CCL25: variants seen among roughly 807,000 people sequenced by gnomAD.
The protein encoded by CCL25 is C-C motif chemokine ligand 25.
In CCL25, 14 loss-of-function variants were observed where a neutral mutation model predicts 19.9. The observed-to-expected ratio is 0.70, with a 90% CI of 0.47 to 1.10. The LOEUF (loss-of-function observed/expected upper bound fraction) is 1.10, where lower values mean the gene tolerates loss of function less well. CCL25 is among the 50% of genes least tolerant of loss of function. The pLI, the probability that CCL25 is intolerant of heterozygous loss-of-function variation, is 0.00. For synonymous variants in CCL25, 68 were observed against 73.2 expected (o/e 0.93, Z 0.36); for missense variants, 151 against 181.2 (o/e 0.83, Z 0.96).
In CCL25 at chr19:8,053,106, C is replaced by T. The variant is rs775209170; in HGVS notation, c.57C>T (p.Pro19=). ...CCGGCTTCCTGGGAGCCTGGGCCCC[C>T]GCTGTCCACACCCAAGGTACTGTGT... is the stretch of plus-strand genomic sequence containing the variant. ...LVAGFLGAWA[P]AVHTQGVFED... The change falls in exon 2 of 6, where the codon CCC becomes CCT. Residue 19 remains proline (P), a synonymous_variant. Coordinates refer to ENST00000315626, the MANE Select transcript of CCL25 (RefSeq NM_005624.4). 2.1e-5 allele frequency: 32 copies of T among 1,556,424 alleles called. No individual in the cohort carries two copies. The highest frequency in any genetic ancestry group is 1.8e-5 in the Non-Finnish European group (21 of 1,149,748).
Position 8,056,585 on chromosome 19 carries a change from T to A in CCL25, c.325+86T>A. Reference sequence around the variant, plus strand: ...GTGGTTCAGACCCCGAGGGAGGGAATTGGAGACCAGAATACTGACACCTGC... The same window carrying A: ...GTGGTTCAGACCCCGAGGGAGGGAAATGGAGACCAGAATACTGACACCTGC... On this transcript the variant is annotated intron_variant, in intron 4 of 5. Coordinates refer to ENST00000315626, the MANE Select transcript of CCL25 (RefSeq NM_005624.4). 3 of 1,494,560 alleles carry A rather than the reference T, an allele frequency of 2.0e-6. No individual in the cohort carries two copies. The Admixed American group carries it at 5.4e-5, about 27-fold the overall frequency. The allele number at this position is 1,494,560 out of a possible 1,614,324, so 92.6% of individuals were successfully genotyped here.
intron 2 of CCL25, among the ~76,000 whole-genome samples, chr19:8,053,927 G>A (rs1487826980): frequency 1.3e-5 from 2 of 152,152 alleles, no homozygotes; most frequent in African/African-American, 4.8e-5. Context: ...TCTGACTTGA[G>A]GGTCCAGTGA....
upstream of CCL25, among the ~76,000 whole-genome samples, chr19:8,052,451 G>A (rs1237194066): frequency 4.0e-5 from 6 of 151,776 alleles, no homozygotes; most frequent in Non-Finnish European, 8.8e-5. Context: ...TGAAGGTAAG[G>A]GCTTGTTTGG....
At chr19:8,058,369 TATAA>T (rs1355098369) in intron 5 of CCL25, among the ~76,000 whole-genome samples, 2 of 126,034 alleles carry the variant, frequency 1.6e-5, no homozygotes, top group African/African-American at 3.0e-5. Flanking sequence ...ATATATAATA[TATAA>T]ATATATATAA....
At chr19:8,062,103 A>G (rs1000130196) in intron 5 of CCL25, 115 bp from the exon 6 acceptor site, 9 of 1,004,254 alleles carry the variant, frequency 9.0e-6, no homozygotes, top group Non-Finnish European at 1.4e-5. Flanking sequence ...CCTATTACTC[A>G]GAAATTCACA....
At position 8,057,930 on chromosome 19, in the gene CCL25, C is replaced by T; in HGVS notation, c.445+10C>T. The T allele has an allele frequency of 1.9e-6, 3 of 1,609,718 alleles. No homozygotes were observed. The highest frequency in any genetic ancestry group is 1.7e-6 in the Non-Finnish European group (2 of 1,177,194). On this transcript the variant is annotated intron_variant, in intron 5 of 5. Transcript: ENST00000315626. ...ATATCAGCTAATTCAGGTAAGGACT[C>T]TTGGTCATGTGACTGTCTCCCATCC...
chr19:8,054,571 T>C (rs1191287984), intron 2 of CCL25, among the ~76,000 whole-genome samples: 1 of 152,020 alleles, frequency 6.6e-6, no homozygotes, highest in Non-Finnish European at 1.5e-5. Flanking sequence ...AGGCAGAGAA[T>C]TGCACCCCAG....
chr19:8,061,586 C>G (rs141213260), intron 5 of CCL25, among the ~76,000 whole-genome samples: 57 of 152,256 alleles, frequency 3.7e-4, no homozygotes, highest in Middle Eastern at 3.4e-3. Context: ...GTGACCAGCC[C>G]CCACCCAGAA....
Position 8,060,309 on chromosome 19 carries a change from T to G in CCL25, c.446-1909T>G, listed in dbSNP as rs1390055081. Among the ~76,000 whole-genome samples the G allele has an allele frequency of 2.0e-5, 3 of 152,044 alleles. No individual in the cohort carries two copies. In the East Asian group the frequency reaches 5.8e-4, roughly 29 times the overall value. On this transcript the variant is annotated intron_variant, in intron 5 of 5. Transcript: ENST00000315626. ...TGAGCTATGATCATACCATTGGAAC[T>G]TCAGCCTGGGGGACAAAATGAGACC...
At chr19:8,053,888 G>A (rs541120657) in intron 2 of CCL25, among the ~76,000 whole-genome samples, 14 of 152,126 alleles carry the variant, frequency 9.2e-5, no homozygotes, top group Non-Finnish European at 2.1e-4. Context: ...CAGCTGCAAA[G>A]TGGGAATCTA....
chr19:8,057,715 CA>C (rs2081282331), intron 4 of CCL25, 85 bp from the exon 5 acceptor site: 1 of 1,477,712 alleles, frequency 6.8e-7, no homozygotes, highest in East Asian at 2.6e-5. Context: ...CTTAAATAAC[CA>C]GTCAACAGCT....
intron 3 of CCL25, 33 bp downstream of exon 3, chr19:8,056,302 G>GGGGGGGGGGGGGCCCCCCC: frequency 1.7e-6 from 1 of 593,388 alleles, no homozygotes; most frequent in Non-Finnish European, 3.2e-6. Flanking sequence ...GGGGGGTGGG[G>GGGGGGGGGGGGGCCCCCCC]TGCACACACA....
intron 5 of CCL25, among the ~76,000 whole-genome samples, chr19:8,059,254 A>T (rs2081302115): frequency 6.9e-6 from 1 of 145,734 alleles, no homozygotes; most frequent in Non-Finnish European, 1.5e-5. Context: ...GCTGGAGTGC[A>T]GTGGTGCCAT....
At chr19:8,055,848 A>G (rs1293905098) in intron 2 of CCL25, among the ~76,000 whole-genome samples, 1 of 151,972 alleles carries the variant, frequency 6.6e-6, no homozygotes. Context: ...GTGCACCTGC[A>G]CTCCGAGTCA....
Position 8,056,195 on chromosome 19 carries a change from G to T in CCL25, c.117G>T (p.Gly39=). The T allele has an allele frequency of 6.4e-7, 1 of 1,564,142 alleles. No homozygotes were observed. The highest frequency in any genetic ancestry group is 8.7e-7 in the Non-Finnish European group (1 of 1,155,672). ...DCCLAYHYPI[G]WAVLRRAWTY... ...GCCTGGCCTACCACTACCCCATTGG[G>T]TGGGCTGTGCTCCGGCGCGCCTGGA... The change falls in exon 3 of 6, where the codon GGG becomes GGT. Residue 39 remains glycine, a synonymous_variant. Coordinates refer to ENST00000315626, the MANE Select transcript of CCL25 (RefSeq NM_005624.4).
upstream of CCL25, among the ~76,000 whole-genome samples, chr19:8,052,436 G>A (rs565702739): frequency 1.3e-5 from 2 of 152,074 alleles, no homozygotes; most frequent in African/African-American, 2.4e-5. Context: ...AGGGCGGGGG[G>A]AGCATGAAGG....
In CCL25 at chr19:8,053,180, C is replaced by A; in HGVS notation, c.73+58C>A. 4 of 1,105,778 alleles carry A rather than the reference C, an allele frequency of 3.6e-6. No individual in the cohort carries two copies. The South Asian group carries it at 4.7e-5, about 13-fold the overall frequency. The allele number at this position is 1,105,778 out of a possible 1,614,324, so 68.5% of individuals were successfully genotyped here. On this transcript the variant is annotated intron_variant, in intron 2 of 5. Transcript: ENST00000315626. ...CCCCTCTCCCCATGCCCCCACCCCA[C>A]CCCTTTTGTCTCTTATCTCCTCCGG...
chr19:8,060,868 G>A (rs377651554), intron 5 of CCL25, among the ~76,000 whole-genome samples: 1 of 151,436 alleles, frequency 6.6e-6, no homozygotes, highest in African/African-American at 2.4e-5. Context: ...TTTTAGTAGA[G>A]ACGGGGTTTC....
chr19:8,058,630 AATAATAT>A (rs1156924675), intron 5 of CCL25, among the ~76,000 whole-genome samples: 1 of 132,786 alleles, frequency 7.5e-6, no homozygotes, highest in South Asian at 2.1e-4. Context: ...ATAATGTATA[AATAATAT>A]ATAATATATA....
Sources: allele counts gnomAD v4.1 joint callset (sites outside exome capture counted in the v4.1 genomes callset), GRCh38; gene constraint gnomAD v4.1.1; transcripts MANE v1.5; gene names NCBI Gene and HGNC (gene_info 2026-07-23, HGNC 2026-07-21).